Variants in CCDC192 observed in about 807,000 individuals in gnomAD.
CCDC192 encodes coiled-coil domain-containing protein 192.
At chr5:127,723,193 T>C (rs1301052417) in intron 2 of CCDC192, among the ~76,000 whole-genome samples, 1 of 152,212 alleles carries the variant, frequency 6.6e-6, no homozygotes, top group African/African-American at 2.4e-5. Flanking sequence ...AGTTTATTCC[T>C]GGGTATTTTA....
At chr5:127,726,851 G>T (rs1752352709) in intron 2 of CCDC192, among the ~76,000 whole-genome samples, 1 of 152,192 alleles carries the variant, frequency 6.6e-6, no homozygotes, top group South Asian at 2.1e-4. Flanking sequence ...CAGTCTGGAG[G>T]AGTGGGATTC....
intron 5 of CCDC192, among the ~76,000 whole-genome samples, chr5:127,835,429 C>T (rs1749992045): frequency 6.6e-6 from 1 of 152,172 alleles, no homozygotes. Flanking sequence ...ACAGTGTTTT[C>T]TTCCTTTGCA....
chr5:127,763,352 A>G (rs1317878071), intron 3 of CCDC192, among the ~76,000 whole-genome samples: 6 of 152,260 alleles, frequency 3.9e-5, no homozygotes, highest in Middle Eastern at 3.4e-3. Context: ...CTCATATGCA[A>G]TCAATTGCTG....
intron 6 of CCDC192, among the ~76,000 whole-genome samples, chr5:127,894,897 T>G (rs537543671): frequency 6.6e-5 from 10 of 152,370 alleles, no homozygotes; most frequent in African/African-American, 2.4e-4. Flanking sequence ...GTCTCAACCA[T>G]TTAACAATCA....
At chr5:127,803,030 G>A (rs1157981854) in intron 5 of CCDC192, among the ~76,000 whole-genome samples, 1 of 152,102 alleles carries the variant, frequency 6.6e-6, no homozygotes, top group Non-Finnish European at 1.5e-5. Context: ...AGAAAACACA[G>A]TTGCTGGAAA....
At chr5:127,886,341 A>G (rs968291688) in intron 6 of CCDC192, among the ~76,000 whole-genome samples, 3 of 152,184 alleles carry the variant, frequency 2.0e-5, no homozygotes, top group Non-Finnish European at 4.4e-5. Flanking sequence ...CTTGGCAAAC[A>G]AAGGAAGGAG....
rs369833670 is a variant in CCDC192 at position 127,882,397 on chromosome 5, A to G, written c.535+6736A>G. On this transcript the variant is annotated intron_variant, in intron 6 of 6. Transcript: ENST00000514853. Reference sequence around the variant, plus strand: ...TGCCCACCCCTAGGCACTCAGCTCAAACCTCTCTCTTGCAATATTCTTTTT... The same window carrying G: ...TGCCCACCCCTAGGCACTCAGCTCAGACCTCTCTCTTGCAATATTCTTTTT... 2.0e-5 allele frequency among the ~76,000 whole-genome samples: 3 copies of G among 152,266 alleles called. 1 individual carries two copies. Among genetic ancestry groups the G allele is most frequent in the South Asian group, 4.1e-4 (2 of 4,820 alleles).
intron 6 of CCDC192, among the ~76,000 whole-genome samples, chr5:127,919,379 T>C (rs1327229743): frequency 6.6e-6 from 1 of 152,118 alleles, no homozygotes; most frequent in East Asian, 1.9e-4. Flanking sequence ...AAATATGTAC[T>C]TATAGTATTA....
chr5:127,722,935 T>C (rs1488688041), intron 2 of CCDC192, among the ~76,000 whole-genome samples: 1 of 152,230 alleles, frequency 6.6e-6, no homozygotes, highest in African/African-American at 2.4e-5. Flanking sequence ...TCTTTGGCTA[T>C]TCTAGGTCTT....
chr5:127,772,421 C>A (rs1467255725), intron 3 of CCDC192, among the ~76,000 whole-genome samples: 1 of 148,556 alleles, frequency 6.7e-6, no homozygotes, highest in Non-Finnish European at 1.5e-5. Context: ...GAGCCAAGAT[C>A]ACACCACTGC....
chr5:127,875,452 T>C (rs967352006), intron 5 of CCDC192, 86 bp from the exon 6 acceptor site: 64 of 394,158 alleles, frequency 1.6e-4, no homozygotes, highest in Non-Finnish European at 2.8e-4. Context: ...TCAAAGGCAG[T>C]GTTTGTTCAG....
At position 127,933,906 on chromosome 5, in the gene CCDC192, C is replaced by T. The variant is rs7709271; in HGVS notation, c.536-7276C>T. Reference sequence around the variant, plus strand: ...GGTCCTTACTAGACAATGAACGTGCCGGCACTTTGATCGTCAACTTCCCAG... The same window carrying T: ...GGTCCTTACTAGACAATGAACGTGCTGGCACTTTGATCGTCAACTTCCCAG... On this transcript the variant is annotated intron_variant, in intron 6 of 6. Coordinates refer to ENST00000514853, the MANE Select transcript of CCDC192 (RefSeq NM_001317938.2). Among the ~76,000 whole-genome samples the T allele has an allele frequency of 2.6e-5, 4 of 152,128 alleles. No homozygotes were observed. In the East Asian group the frequency reaches 5.8e-4, roughly 22 times the overall value.
chr5:127,911,768 G>A (rs907189241), intron 6 of CCDC192, among the ~76,000 whole-genome samples: 3 of 144,592 alleles, frequency 2.1e-5, no homozygotes, highest in Admixed American at 7.1e-5. Flanking sequence ...ATGCAGTGGT[G>A]TAATCATAGC....
intron 3 of CCDC192, among the ~76,000 whole-genome samples, chr5:127,757,562 T>G (rs1410864437): frequency 2.0e-5 from 3 of 151,952 alleles, no homozygotes; most frequent in African/African-American, 7.2e-5. Context: ...TTTTAAAATT[T>G]AAGTCAACAT....
intron 2 of CCDC192, among the ~76,000 whole-genome samples, chr5:127,723,683 T>C (rs1302897587): frequency 6.6e-6 from 1 of 152,252 alleles, no homozygotes; most frequent in African/African-American, 2.4e-5. Flanking sequence ...AGGCTTTCTC[T>C]GGATACTTGG....
At chr5:127,803,465 G>A (rs1757614521) in intron 5 of CCDC192, among the ~76,000 whole-genome samples, 1 of 152,176 alleles carries the variant, frequency 6.6e-6, no homozygotes, top group African/African-American at 2.4e-5. Flanking sequence ...TATTTGAAAT[G>A]AATGTTTATA....
chr5:127,754,573 G>A (rs1342034597), intron 3 of CCDC192, among the ~76,000 whole-genome samples, 198 bp downstream of exon 3: 2 of 150,222 alleles, frequency 1.3e-5, no homozygotes, highest in African/African-American at 5.0e-5. Context: ...AGACATAACA[G>A]TGCTTACTTT....
intron 6 of CCDC192, among the ~76,000 whole-genome samples, chr5:127,934,840 A>T (rs1428081531): frequency 6.6e-6 from 1 of 152,184 alleles, no homozygotes; most frequent in Non-Finnish European, 1.5e-5. Context: ...ATGGCAAGAG[A>T]TGACCCTGGA....
chr5:127,915,387 CT>C (rs966091962), intron 6 of CCDC192, among the ~76,000 whole-genome samples: 4 of 151,990 alleles, frequency 2.6e-5, no homozygotes, highest in African/African-American at 4.8e-5. Flanking sequence ...CATAAACTTT[CT>C]TTTTTTTGTT....
Sources: gnomAD v4.1 joint callset for allele counts (sites outside exome capture counted in the v4.1 genomes callset) on GRCh38, gnomAD v4.1.1 for gene constraint, MANE v1.5 for transcripts, NCBI Gene and HGNC (gene_info 2026-07-23, HGNC 2026-07-21) for gene names.